The following FBP2 variants were observed in gnomAD, a reference collection of about 807,000 sequenced individuals.
FBP2 encodes fructose-bisphosphatase 2, also known as fructose-1,6-bisphosphatase isozyme 2.
A neutral mutation model predicts 31.6 loss-of-function variants in FBP2; 27 were observed. The observed-to-expected ratio is 0.85, with a 90% CI of 0.63 to 1.18. The LOEUF (loss-of-function observed/expected upper bound fraction) is 1.18, where lower values mean the gene tolerates loss of function less well. FBP2 is among the 50% of genes most tolerant of loss of function. The pLI is 0.00. For synonymous variants in FBP2, 168 were observed against 179.8 expected (o/e 0.93, Z 0.53); for missense variants, 421 against 436.1 (o/e 0.97, Z 0.31).
chr9:94,562,383 G>A (rs375508648), intron 6 of FBP2, among the ~76,000 whole-genome samples: 1 of 151,182 alleles, frequency 6.6e-6, no homozygotes, highest in African/African-American at 2.4e-5. Context: ...CCTCCATGGT[G>A]CTTAGCTTTC....
chr9:94,588,816 C>A (rs970903401), intron 1 of FBP2, among the ~76,000 whole-genome samples: 1 of 152,128 alleles, frequency 6.6e-6, no homozygotes, highest in African/African-American at 2.4e-5. Context: ...TCTCTGCGCC[C>A]GGGTTGGCAT....
At chr9:94,591,716 GC>G (rs748264705) in intron 1 of FBP2, among the ~76,000 whole-genome samples, 37 of 152,206 alleles carry the variant, frequency 2.4e-4, no homozygotes, top group Non-Finnish European at 4.7e-4. Context: ...GTCTTACGGG[GC>G]CGGCACAGTT....
chr9:94,567,712 G>A (rs1233726674), intron 4 of FBP2: 2 of 314,876 alleles, frequency 6.4e-6, no homozygotes, highest in African/African-American at 4.2e-5. Flanking sequence ...CTCATTTATG[G>A]TGAACCCAAC....
At chr9:94,590,444 G>A (rs567284765) in intron 1 of FBP2, among the ~76,000 whole-genome samples, 103 of 64,128 alleles carry the variant, frequency 1.6e-3, no homozygotes, top group African/African-American at 6.7e-3. Context: ...AGGGGCTTGC[G>A]GTCCCCTGCC....
At chr9:94,563,309 C>G (rs755602457) in intron 6 of FBP2, 33 bp downstream of exon 6, 1 of 1,609,134 alleles carries the variant, frequency 6.2e-7, no homozygotes, top group Admixed American at 1.7e-5. Context: ...CCTCCCTGAC[C>G]GGATGCACAG....
At chr9:94,589,285 C>T (rs930789927) in intron 1 of FBP2, among the ~76,000 whole-genome samples, 8 of 152,198 alleles carry the variant, frequency 5.3e-5, no homozygotes, top group African/African-American at 1.9e-4. Flanking sequence ...GTCCTTCTCG[C>T]CTTCACTAAT....
At chr9:94,587,243 C>A (rs1399302807) in intron 2 of FBP2, 64 bp downstream of exon 2, 1 of 1,404,234 alleles carries the variant, frequency 7.1e-7, no homozygotes, top group Non-Finnish European at 9.7e-7. Context: ...AAAAGTAAGG[C>A]AGCTTATTTC....
intron 1 of FBP2, among the ~76,000 whole-genome samples, chr9:94,590,894 T>A (rs1219274835): frequency 6.6e-6 from 1 of 152,188 alleles, no homozygotes; most frequent in Non-Finnish European, 1.5e-5. Flanking sequence ...ATCAGATTAG[T>A]TAGATACAGA....
intron 5 of FBP2, among the ~76,000 whole-genome samples, chr9:94,564,093 A>G (rs888397183): frequency 1.3e-5 from 2 of 152,158 alleles, no homozygotes; most frequent in African/African-American, 2.4e-5. Flanking sequence ...AAATTAACGA[A>G]GATACTCAAG....
At position 94,584,565 on chromosome 9, in the gene FBP2, C is replaced by T; in HGVS notation, c.426+12G>A. 3 of 1,557,318 alleles carry T rather than the reference C, an allele frequency of 1.9e-6. No homozygotes were observed. Among genetic ancestry groups the T allele is most frequent in the Non-Finnish European group, 2.7e-6 (3 of 1,128,178 alleles). ...CAGGAAGGAGGTGTAAAATGTCAGC[C>T]TGTCTACTCACCTTTCTATAGATGG... On this transcript the variant is annotated intron_variant, in intron 3 of 6. Coordinates refer to ENST00000375337, the MANE Select transcript of FBP2 (RefSeq NM_003837.4).
chr9:94,567,721 A>C, intron 4 of FBP2: 1 of 289,926 alleles, frequency 3.4e-6, no homozygotes, highest in African/African-American at 2.1e-5. Flanking sequence ...GGTGAACCCA[A>C]CTGTGTGTAT....
intron 2 of FBP2, chr9:94,586,909 A>G (rs1293614040): frequency 6.2e-6 from 1 of 161,002 alleles, no homozygotes; most frequent in Non-Finnish European, 1.3e-5. Flanking sequence ...TGAAACTGTA[A>G]CCCCTCGCAA....
rs1827047329 is a variant in FBP2, at chr9:94,558,797, C to T, written c.*141G>A. 1.3e-6 allele frequency: 1 copy of T among 750,146 alleles called. No homozygotes were observed. Among genetic ancestry groups the T allele is most frequent in the African/African-American group, 1.8e-5 (1 of 56,438 alleles). The allele number at this position is 750,146 out of a possible 1,614,324, so 46.5% of individuals were successfully genotyped here. On this transcript the variant is annotated 3_prime_UTR_variant, in exon 7 of 7. Coordinates refer to ENST00000375337, the MANE Select transcript of FBP2 (RefSeq NM_003837.4). ...CTGTGGCTTCCAAACCTGTCGTAAGCAGTTTGTTGTTGCTCTTCTGTATGT... is the reference window on the plus strand; with the variant it reads ...CTGTGGCTTCCAAACCTGTCGTAAGTAGTTTGTTGTTGCTCTTCTGTATGT...
intron 1 of FBP2, among the ~76,000 whole-genome samples, chr9:94,591,429 C>T (rs1451218167): frequency 2.0e-5 from 3 of 152,336 alleles, no homozygotes. Context: ...GGCTGGCTGG[C>T]TGCTCGGAGT....
chr9:94,589,686 C>A (rs1005729167), intron 1 of FBP2, among the ~76,000 whole-genome samples: 5 of 152,106 alleles, frequency 3.3e-5, no homozygotes, highest in African/African-American at 1.2e-4. Flanking sequence ...AAGCTGGGGG[C>A]AAACTCATTT....
intron 1 of FBP2, among the ~76,000 whole-genome samples, chr9:94,591,276 C>T (rs939384389): frequency 8.5e-5 from 13 of 152,294 alleles, no homozygotes; most frequent in Middle Eastern, 3.4e-3. Flanking sequence ...CTGCAGGTCC[C>T]GAGCCCTGCC....
At chr9:94,590,001 G>A (rs1241536090) in intron 1 of FBP2, among the ~76,000 whole-genome samples, 1 of 152,104 alleles carries the variant, frequency 6.6e-6, no homozygotes, top group Non-Finnish European at 1.5e-5. Flanking sequence ...GCCTGCGGTG[G>A]GCAGAGCTGA....
At chr9:94,571,985 G>A (rs1338144109) in intron 3 of FBP2, among the ~76,000 whole-genome samples, 1 of 152,118 alleles carries the variant, frequency 6.6e-6, no homozygotes, top group Non-Finnish European at 1.5e-5. Flanking sequence ...AGCCCTTTGG[G>A]GCAGATAGCA....
At chr9:94,591,394 G>A (rs992167240) in intron 1 of FBP2, among the ~76,000 whole-genome samples, 1 of 152,224 alleles carries the variant, frequency 6.6e-6, no homozygotes, top group Non-Finnish European at 1.5e-5. Flanking sequence ...CGGGTGCTAA[G>A]TCCCCCATTG....
Sources: allele counts gnomAD v4.1 joint callset (sites outside exome capture counted in the v4.1 genomes callset), GRCh38; gene constraint gnomAD v4.1.1; transcripts MANE v1.5; gene names NCBI Gene and HGNC (gene_info 2026-07-23, HGNC 2026-07-21).